AAK1: variants seen among roughly 807,000 people sequenced by gnomAD.
AAK1 encodes the protein AP2 associated kinase 1.
AAK1 carries 37 observed loss-of-function variants against 116.0 expected under a neutral mutation model. That is an observed-to-expected ratio of 0.32 (90% CI 0.25 to 0.42). The LOEUF (loss-of-function observed/expected upper bound fraction) is 0.42. Among genes scored for constraint, AAK1 ranks in the 10% least tolerant of loss-of-function variants. The probability of loss-of-function intolerance (pLI) is 1.00; values close to 1 mark genes in which losing one functional copy is unlikely to be tolerated. For synonymous variants in AAK1, 458 were observed against 439.9 expected (o/e 1.04, Z -0.51); for missense variants, 919 against 1,170.6 (o/e 0.79, Z 3.14).
At chr2:69,613,482 G>A (rs1156502033) in intron 2 of AAK1, among the ~76,000 whole-genome samples, 1 of 152,122 alleles carries the variant, frequency 6.6e-6, no homozygotes, top group African/African-American at 2.4e-5. Flanking sequence ...GCTTCCGGAT[G>A]GGGGCTGGTT....
At chr2:69,524,012 A>T (rs114456130) in intron 10 of AAK1, among the ~76,000 whole-genome samples, 1 of 152,220 alleles carries the variant, frequency 6.6e-6, no homozygotes, top group Non-Finnish European at 1.5e-5. Context: ...CATTTCCCCA[A>T]ATAACATCTT....
intron 6 of AAK1, chr2:69,531,657 A>G (rs1334723846): frequency 1.0e-6 from 1 of 996,598 alleles, no homozygotes. Flanking sequence ...TTTAGGGTTC[A>G]GTAAAAAGCA....
At chr2:69,513,420 C>T (rs1676465161) in intron 13 of AAK1, among the ~76,000 whole-genome samples, 1 of 151,952 alleles carries the variant, frequency 6.6e-6, no homozygotes, top group Non-Finnish European at 1.5e-5. Flanking sequence ...CCCGGGTTCA[C>T]GCCATTCTCC....
chr2:69,581,176 C>G (rs573127028), intron 2 of AAK1, among the ~76,000 whole-genome samples: 1 of 152,094 alleles, frequency 6.6e-6, no homozygotes, highest in African/African-American at 2.4e-5. Flanking sequence ...TGCAGTGGCA[C>G]GATCTCGGCT....
intron 5 of AAK1, 26 bp downstream of exon 5, chr2:69,542,497 C>A (rs767486441): frequency 6.2e-7 from 1 of 1,612,756 alleles, no homozygotes; most frequent in Non-Finnish European, 8.5e-7. Flanking sequence ...AGTAGAATGC[C>A]CGTAATGAAA....
intron 2 of AAK1, among the ~76,000 whole-genome samples, chr2:69,622,049 A>G (rs2105238997): frequency 6.6e-6 from 1 of 152,336 alleles, no homozygotes; most frequent in East Asian, 1.9e-4. Flanking sequence ...CCAAGGCCAG[A>G]GCTGGCTCCC....
At chr2:69,484,556 G>C (rs1340701801) in intron 17 of AAK1, among the ~76,000 whole-genome samples, 1 of 152,166 alleles carries the variant, frequency 6.6e-6, no homozygotes, top group Non-Finnish European at 1.5e-5. Context: ...ACTTTGGGAG[G>C]CCGAGGTGGG....
intron 2 of AAK1, among the ~76,000 whole-genome samples, chr2:69,611,106 G>C (rs1363819657): frequency 2.0e-5 from 3 of 152,196 alleles, no homozygotes; most frequent in African/African-American, 7.2e-5. Context: ...TTCTGGGTGT[G>C]TCTATGAGGG....
At position 69,544,514 on chromosome 2, in the gene AAK1, C is replaced by T; in HGVS notation, c.313G>A (p.Gly105Ser). The change falls in exon 4 of 22, where the codon GGT becomes AGT. Residue 105 changes from glycine to serine, a missense_variant. Physicochemically the swap from Gly to Ser is moderately conservative, Grantham distance 56. Around this residue, in one of 4 missense-constraint regions of AAK1, gnomAD observed 317 missense variants for 490.4 expected, o/e 0.65. Coordinates refer to ENST00000409085, the MANE Select transcript of AAK1 (RefSeq NM_014911.5). ...RDLSGHKNIV[G>S]YIDSSINNVS... Reference sequence around the variant, plus strand: ...TTGTTGATACTAGAATCAATGTAACCCACAATATTCTTGTGCCCTGAAAGA... The same window carrying T: ...TTGTTGATACTAGAATCAATGTAACTCACAATATTCTTGTGCCCTGAAAGA... The T allele has an allele frequency of 6.2e-7, 1 of 1,613,682 alleles. No homozygotes were observed.
intron 5 of AAK1, among the ~76,000 whole-genome samples, chr2:69,542,293 G>A (rs555602647): frequency 6.6e-6 from 1 of 152,162 alleles, no homozygotes. Flanking sequence ...AACAACACAG[G>A]CTCAGGCATG....
Position 69,466,534 on chromosome 2 carries a change from T to TGTCC in AAK1, c.*9334_*9335insGGAC. The TGTCC allele has an allele frequency of 8.3e-7, 1 of 1,203,810 alleles. No homozygotes were observed. Among genetic ancestry groups the TGTCC allele is most frequent in the Non-Finnish European group, 1.1e-6 (1 of 945,960 alleles). 74.6% of individuals were successfully genotyped at this position (1,203,810 alleles called of 1,614,324 possible). A position where few individuals can be genotyped will look rare whatever the true frequency, so the allele number is the denominator to read the frequency against. On this transcript the variant is annotated 3_prime_UTR_variant, in exon 22 of 22. Coordinates refer to ENST00000409085, the MANE Select transcript of AAK1 (RefSeq NM_014911.5). The stretch of plus-strand genomic sequence containing the variant: ...TCTACAGTTATTACAGGACAGGGAT[T>TGTCC]GGACTCCCTCTGGAGATCTAGAAAA...
chr2:69,619,411 G>A (rs535963275), intron 2 of AAK1, among the ~76,000 whole-genome samples: 1 of 152,246 alleles, frequency 6.6e-6, no homozygotes, highest in Non-Finnish European at 1.5e-5. Context: ...GTCTCAGAGT[G>A]TGAAATTTCC....
chr2:69,524,970 G>A (rs1033067331), intron 10 of AAK1, 63 bp downstream of exon 10: 20 of 1,457,166 alleles, frequency 1.4e-5, no homozygotes, highest in Non-Finnish European at 1.8e-5. Flanking sequence ...AAGAAACACA[G>A]GCATCATTCC....
intron 3 of AAK1, among the ~76,000 whole-genome samples, chr2:69,549,180 C>T (rs913588293): frequency 6.6e-6 from 1 of 152,106 alleles, no homozygotes; most frequent in South Asian, 2.1e-4. Context: ...ACCAGCCTGA[C>T]CAACATGGTG....
chr2:69,496,993 C>A (rs1448374305), intron 16 of AAK1, among the ~76,000 whole-genome samples: 1 of 152,112 alleles, frequency 6.6e-6, no homozygotes, highest in Non-Finnish European at 1.5e-5. Flanking sequence ...ACTCTATACA[C>A]CCTATGGAAT....
chr2:69,475,622 A>G lies in AAK1; in HGVS notation c.*247T>C, dbSNP rs558610720. ...CTAGTGCTTGATTTAAGATAATGCT[A>G]TTGAAGAAGGGTAATGAGAAAACAC... is the stretch of plus-strand genomic sequence containing the variant. On this transcript the variant is annotated 3_prime_UTR_variant, in exon 22 of 22. Coordinates refer to ENST00000409085, the MANE Select transcript of AAK1 (RefSeq NM_014911.5). The G allele has an allele frequency of 2.5e-4, 313 of 1,275,680 alleles. No individual in the cohort carries two copies. The highest frequency in any genetic ancestry group is 3.0e-4 in the Non-Finnish European group (302 of 1,006,362). 79.0% of individuals were successfully genotyped at this position (1,275,680 alleles called of 1,614,324 possible).
intron 2 of AAK1, among the ~76,000 whole-genome samples, chr2:69,587,813 T>C (rs1380581475): frequency 1.3e-5 from 2 of 152,092 alleles, no homozygotes; most frequent in East Asian, 3.9e-4. Flanking sequence ...AGTTTTACTA[T>C]GTTGCTCAGG....
Position 69,514,683 on chromosome 2 carries a change from C to T in AAK1, c.1564G>A (p.Gly522Ser). 2 of 1,613,510 alleles carry T rather than the reference C, an allele frequency of 1.2e-6. No homozygotes were observed. The highest frequency in any genetic ancestry group is 1.7e-6 in the Non-Finnish European group (2 of 1,179,704). The stretch of plus-strand genomic sequence containing the variant: ...TTCTGCATTAGCTGCTGTTGAGAGC[C>T]TCCTTGGGACACCACAGGGAACTGA... The part of the protein sequence containing the change: ...IAQFPVVSQG[G>S]SQQQLMQNFY... Residue 522 changes from glycine to serine, a missense_variant, in exon 13 of 22, where the codon GGC becomes AGC. Gly to Ser is a moderately conservative substitution (Grantham distance 56). This residue lies in a region of AAK1 where 214 missense variants were observed against 210.6 expected (regional missense o/e 1.02). Coordinates refer to ENST00000409085, the MANE Select transcript of AAK1 (RefSeq NM_014911.5).
rs1440254489 is a variant in AAK1, at chr2:69,500,690, TATATATATACACACAC to T, written c.2270-4626_2270-4611del. On this transcript the variant is annotated intron_variant, in intron 16 of 21. Coordinates refer to ENST00000409085, the MANE Select transcript of AAK1 (RefSeq NM_014911.5). Reference sequence around the variant, plus strand: ...ATATATATATATATATATATATATATATATATATACACACACACACACACACACACACACACACACA... The same window carrying T: ...ATATATATATATATATATATATATATACACACACACACACACACACACACA... Among the ~76,000 whole-genome samples, 799 of 113,990 alleles carry T rather than the reference TATATATATACACACAC, an allele frequency of 7.0e-3. 6 individuals carry two copies. Among genetic ancestry groups the T allele is most frequent in the African/African-American group, 0.029 (752 of 26,238 alleles). The allele number at this position is 113,990 out of a possible 152,430, so 74.8% of individuals were successfully genotyped here. A position where few individuals can be genotyped will look rare whatever the true frequency, so the allele number is the denominator to read the frequency against.
Sources: gnomAD v4.1 joint callset for allele counts (sites outside exome capture counted in the v4.1 genomes callset) on GRCh38, gnomAD v4.1.1 for gene constraint, gnomAD v4.1.1 regional missense constraint, MANE v1.5 for transcripts, NCBI Gene and HGNC (gene_info 2026-07-23, HGNC 2026-07-21) for gene names.